Variants in TMEM202 observed in about 807,000 individuals in gnomAD.
TMEM202 encodes transmembrane protein 202.
In TMEM202, 25 loss-of-function variants were observed where a neutral mutation model predicts 26.1. The observed-to-expected ratio is 0.96, with a 90% CI of 0.70 to 1.34. The LOEUF (loss-of-function observed/expected upper bound fraction) is 1.34. Among genes scored for constraint, TMEM202 ranks in the 40% most tolerant of loss-of-function variants. The pLI is 0.00. For missense variants in TMEM202, 301 were observed against 327.7 expected (o/e 0.92, Z 0.63); for synonymous variants, 122 against 119.0 (o/e 1.02, Z -0.16).
chr15:72,398,613 T>TAGGCAA (rs2063532724), intron 1 of TMEM202, 40 bp from the exon 2 acceptor site: 1 of 1,607,738 alleles, frequency 6.2e-7, no homozygotes, highest in African/African-American at 1.3e-5. Flanking sequence ...GGATCAGGGG[T>TAGGCAA]TATTCTTTCG....
chr15:72,407,285 A>G, intron 4 of TMEM202, 68 bp downstream of exon 4: 2 of 1,550,332 alleles, frequency 1.3e-6, no homozygotes, highest in South Asian at 2.3e-5. Flanking sequence ...GGGAGGTATA[A>G]TCCAGGAGAA....
Position 72,407,767 on chromosome 15 carries a change from G to C in TMEM202, c.696G>C (p.Glu232Asp), listed in dbSNP as rs568093676. The change falls in exon 5 of 5, where the codon GAG becomes GAC. Residue 232 changes from glutamate (E) to aspartate (D), a missense_variant. Coordinates refer to ENST00000341689, the MANE Select transcript of TMEM202 (RefSeq NM_001080462.3). ...AAAACGTCACTGTGATTCCAACAGA[G>C]AGATCAAGGCTGGGGGTTGGTCCGG... ...CDENVTVIPT[E>D]RSRLGVGPVT... is the part of the protein sequence containing the mutation. 4.3e-6 allele frequency: 7 copies of C among 1,614,016 alleles called. No homozygotes were observed. The Admixed American group carries it at 6.7e-5, about 15-fold the overall frequency.
intron 2 of TMEM202, among the ~76,000 whole-genome samples, chr15:72,402,805 T>C (rs1399622619): frequency 6.6e-6 from 1 of 151,960 alleles, no homozygotes; most frequent in East Asian, 1.9e-4. Flanking sequence ...TAGGGATGCT[T>C]TATTCTGGCA....
chr15:72,408,197 T>C lies in TMEM202; in HGVS notation c.*304T>C, dbSNP rs2063582922. Among the ~76,000 whole-genome samples, 2 of 152,230 alleles carry C rather than the reference T, an allele frequency of 1.3e-5. No homozygotes were observed. The highest frequency in any genetic ancestry group is 2.1e-4 in the South Asian group (1 of 4,828). The stretch of plus-strand genomic sequence containing the variant: ...ACCTCTTTGGGTATCAGGGATCTCA[T>C]GGACCAGAATGGCCCGTGGAGAAGA... On this transcript the variant is annotated 3_prime_UTR_variant, in exon 5 of 5. Transcript: ENST00000341689.
rs16956904 is a variant in TMEM202 at position 72,407,208 on chromosome 15, A to T, written c.610A>T (p.Met204Leu). 11,733 of 1,613,372 alleles carry T rather than the reference A, an allele frequency of 7.3e-3. 509 individuals are homozygous for T. The Admixed American group carries it at 0.081, about 11-fold the overall frequency. Residue 204 changes from methionine to leucine, a missense_variant, in exon 4 of 5, where the codon ATG (methionine) becomes TTG (leucine). By Grantham distance (15) the Met-to-Leu change is conservative. Transcript: ENST00000341689. ...TAACTGGTGCAGTGACATCTTTTAC[A>T]TGTTTGCTGGTGAGTCACTTCCCTG... Reference protein sequence around the residue: ...YLNWCSDIFYMFAGIISLLNY... With the variant: ...YLNWCSDIFYLFAGIISLLNY...
chr15:72,406,533 A>G (rs777547299), intron 2 of TMEM202, 69 bp from the exon 3 acceptor site: 354 of 1,302,710 alleles, frequency 2.7e-4, no homozygotes, highest in Non-Finnish European at 3.3e-4. Flanking sequence ...CTAAGACTCT[A>G]TCTGGCCTTT....
rs1292713816 is a variant in TMEM202 at position 72,407,942 on chromosome 15, T to C, written c.*49T>C. The stretch of plus-strand genomic sequence containing the variant: ...TCTTAAAAGCAGGGGAGAAGCTGAG[T>C]TGGGAATGGTCACATAAATTCTGGG... On this transcript the variant is annotated 3_prime_UTR_variant, in exon 5 of 5. Coordinates refer to ENST00000341689, the MANE Select transcript of TMEM202 (RefSeq NM_001080462.3). 10 of 1,492,082 alleles carry C rather than the reference T, an allele frequency of 6.7e-6. No individual in the cohort carries two copies. In the East Asian group the frequency reaches 9.2e-5, roughly 14 times the overall value. The allele number at this position is 1,492,082 out of a possible 1,614,324, so 92.4% of individuals were successfully genotyped here. A position where few individuals can be genotyped will look rare whatever the true frequency, so the allele number is the denominator to read the frequency against.
intron 2 of TMEM202, among the ~76,000 whole-genome samples, chr15:72,404,294 G>T (rs1297156042): frequency 6.6e-6 from 1 of 151,918 alleles, no homozygotes; most frequent in Non-Finnish European, 1.5e-5. Context: ...GTGCACCTGT[G>T]GTCCCAGCTA....
At chr15:72,399,734 A>T (rs2063538934) in intron 2 of TMEM202, among the ~76,000 whole-genome samples, 1 of 152,246 alleles carries the variant, frequency 6.6e-6, no homozygotes, top group Non-Finnish European at 1.5e-5. Context: ...AATATTTTAA[A>T]ATAAGTTTTT....
chr15:72,398,684 C>A lies in TMEM202; in HGVS notation c.113C>A (p.Ala38Asp). ...GTCCCTGCCAAGAAACATCCAAGTG[C>A]CTCGATGTCATGCCAAAGGCAGCAG... ...PTVPAKKHPS[A>D]SMSCQRQQQL... is the part of the protein sequence containing the mutation. Residue 38 changes from alanine (A) to aspartate (D), a missense_variant, in exon 2 of 5, where the codon GCC becomes GAC. Ala to Asp is a moderately radical substitution (Grantham distance 126). Coordinates refer to ENST00000341689, the MANE Select transcript of TMEM202 (RefSeq NM_001080462.3). The A allele has an allele frequency of 6.2e-7, 1 of 1,614,176 alleles. No individual in the cohort carries two copies. The highest frequency in any genetic ancestry group is 8.5e-7 in the Non-Finnish European group (1 of 1,180,024).
At chr15:72,402,720 C>CT (rs907044178) in intron 2 of TMEM202, among the ~76,000 whole-genome samples, 33 of 152,092 alleles carry the variant, frequency 2.2e-4, no homozygotes, top group African/African-American at 8.0e-4. Context: ...AAGGGTAAGT[C>CT]TTTTTGTCAA....
At position 72,398,852 on chromosome 15, in the gene TMEM202, G is replaced by A. The variant is rs777025021; in HGVS notation, c.281G>A (p.Gly94Glu). 7 of 1,613,868 alleles carry A rather than the reference G, an allele frequency of 4.3e-6. No homozygotes were observed. The highest frequency in any genetic ancestry group is 5.9e-6 in the Non-Finnish European group (7 of 1,179,974). The change falls in exon 2 of 5, where the codon GGA becomes GAA. Residue 94 changes from glycine (G) to glutamate (E), a missense_variant. Physicochemically the swap from Gly to Glu is moderately conservative, Grantham distance 98. Transcript: ENST00000341689. ...VIKNGLELYA[G>E]LWTLCNHELC... ...AAGAATGGCCTTGAGCTCTACGCAG[G>A]ACTCTGGACCTTATGCAACCATGAG...
In TMEM202 at chr15:72,408,048, C is replaced by A; in HGVS notation, c.*155C>A. The A allele has an allele frequency of 1.6e-6, 1 of 610,602 alleles. No homozygotes were observed. The highest frequency in any genetic ancestry group is 2.1e-5 in the South Asian group (1 of 48,712). The allele number at this position is 610,602 out of a possible 1,614,324, so 37.8% of individuals were successfully genotyped here. A position where few individuals can be genotyped will look rare whatever the true frequency, so the allele number is the denominator to read the frequency against. On this transcript the variant is annotated 3_prime_UTR_variant, in exon 5 of 5. Transcript: ENST00000341689. ...AAATGTCTTTTGCGTGCATTGGATC[C>A]AAAATATATATGATAGTCATAAAGT...
intron 2 of TMEM202, among the ~76,000 whole-genome samples, chr15:72,402,448 G>C (rs1026096928): frequency 4.6e-5 from 7 of 152,066 alleles, no homozygotes; most frequent in African/African-American, 1.7e-4. Flanking sequence ...CTATTCCCTG[G>C]GCTCACTTCA....
At chr15:72,399,905 C>T (rs1284734977) in intron 2 of TMEM202, among the ~76,000 whole-genome samples, 1 of 152,176 alleles carries the variant, frequency 6.6e-6, no homozygotes, top group Non-Finnish European at 1.5e-5. Flanking sequence ...CATCTATTCT[C>T]ATCACATAAG....
intron 2 of TMEM202, among the ~76,000 whole-genome samples, 192 bp from the exon 3 acceptor site, chr15:72,406,410 C>A (rs2063571665): frequency 6.6e-6 from 1 of 152,096 alleles, no homozygotes; most frequent in South Asian, 2.1e-4. Context: ...TCAATGCATG[C>A]AGAAGTATTT....
At chr15:72,402,869 C>A (rs1278331346) in intron 2 of TMEM202, among the ~76,000 whole-genome samples, 1 of 152,126 alleles carries the variant, frequency 6.6e-6, no homozygotes, top group Non-Finnish European at 1.5e-5. Flanking sequence ...ATAGATACCT[C>A]TTCAGGGTCC....
In TMEM202 at chr15:72,400,407, G is replaced by T. The variant is rs143380200; in HGVS notation, c.337+1499G>T. ...ATTCCTGTACATGCCATGCAAATTG[G>T]TATAACTAAAGCAATATGATTAGGT... is the stretch of plus-strand genomic sequence containing the variant. On this transcript the variant is annotated intron_variant, in intron 2 of 4. Coordinates refer to ENST00000341689, the MANE Select transcript of TMEM202 (RefSeq NM_001080462.3). 1.7e-3 allele frequency among the ~76,000 whole-genome samples: 263 copies of T among 152,246 alleles called. 1 individual carries two copies. The highest frequency in any genetic ancestry group is 2.7e-3 in the Non-Finnish European group (181 of 68,030).
intron 2 of TMEM202, among the ~76,000 whole-genome samples, 180 bp downstream of exon 2, chr15:72,399,088 T>C (rs2063535882): frequency 6.6e-6 from 1 of 152,250 alleles, no homozygotes; most frequent in Non-Finnish European, 1.5e-5. Context: ...CCAGGTTGTT[T>C]CCTGTCCTAA....
Sources: allele counts gnomAD v4.1 joint callset (sites outside exome capture counted in the v4.1 genomes callset), GRCh38; gene constraint gnomAD v4.1.1; transcripts MANE v1.5; gene names NCBI Gene and HGNC (gene_info 2026-07-23, HGNC 2026-07-21).